Variants in SLC25A21 observed in about 807,000 individuals in gnomAD.
SLC25A21 encodes mitochondrial 2-oxodicarboxylate carrier.
Under a neutral mutation model 43.8 loss-of-function variants are expected in SLC25A21, and 47 were observed. The observed-to-expected ratio is 1.07, with a 90% CI of 0.85 to 1.37. The LOEUF (loss-of-function observed/expected upper bound fraction) is 1.37. SLC25A21 is among the 40% of genes most tolerant of loss of function. The pLI, the probability that SLC25A21 is intolerant of heterozygous loss-of-function variation, is 0.00. For missense variants in SLC25A21, 352 were observed against 350.2 expected (o/e 1.00, Z -0.04); for synonymous variants, 131 against 121.3 (o/e 1.08, Z -0.52).
intron 1 of SLC25A21, among the ~76,000 whole-genome samples, chr14:37,151,549 T>A (rs7140725): frequency 1.3e-5 from 2 of 152,118 alleles, no homozygotes; most frequent in Non-Finnish European, 2.9e-5. Context: ...GTATTTAACA[T>A]AACCAGAGAG....
chr14:36,686,575 AATAAT>A (rs1357159836), intron 7 of SLC25A21, among the ~76,000 whole-genome samples: 3 of 152,224 alleles, frequency 2.0e-5, no homozygotes, highest in Non-Finnish European at 2.9e-5. Context: ...AAATAAAAAC[AATAAT>A]ATAAGTAAAA....
chr14:36,921,754 A>C (rs1199430297), intron 1 of SLC25A21, among the ~76,000 whole-genome samples: 3 of 152,170 alleles, frequency 2.0e-5, no homozygotes, highest in African/African-American at 7.2e-5. Flanking sequence ...AGTTTACACA[A>C]GTATGCTCAT....
intron 1 of SLC25A21, among the ~76,000 whole-genome samples, chr14:36,918,886 A>G (rs1382627660): frequency 1.3e-5 from 2 of 152,138 alleles, no homozygotes; most frequent in Non-Finnish European, 2.9e-5. Flanking sequence ...TAAGACACAT[A>G]AATTTTTCTT....
chr14:37,021,052 T>C (rs1960975020), intron 1 of SLC25A21, among the ~76,000 whole-genome samples: 1 of 151,996 alleles, frequency 6.6e-6, no homozygotes, highest in African/African-American at 2.4e-5. Flanking sequence ...TGGCAATGTA[T>C]TTAGGACATT....
At chr14:37,044,258 AT>A (rs1961540609) in intron 1 of SLC25A21, among the ~76,000 whole-genome samples, 1 of 152,170 alleles carries the variant, frequency 6.6e-6, no homozygotes, top group Non-Finnish European at 1.5e-5. Context: ...ATATTTTTTA[AT>A]GCTCAATGTG....
At chr14:37,043,159 C>T (rs1423615527) in intron 1 of SLC25A21, among the ~76,000 whole-genome samples, 1 of 152,206 alleles carries the variant, frequency 6.6e-6, no homozygotes, top group Non-Finnish European at 1.5e-5. Flanking sequence ...AATACATCCA[C>T]ATCTCTCCCT....
chr14:37,018,450 T>C (rs1366805882), intron 1 of SLC25A21, among the ~76,000 whole-genome samples: 1 of 152,022 alleles, frequency 6.6e-6, no homozygotes, highest in Non-Finnish European at 1.5e-5. Flanking sequence ...TTGTATTCCA[T>C]ATACATACAC....
At chr14:37,106,411 T>C (rs1213965884) in intron 1 of SLC25A21, among the ~76,000 whole-genome samples, 1 of 152,054 alleles carries the variant, frequency 6.6e-6, no homozygotes, top group East Asian at 1.9e-4. Context: ...AGTGTCTGTC[T>C]TATGCGGTTG....
intron 3 of SLC25A21, among the ~76,000 whole-genome samples, chr14:36,784,387 C>A (rs1435968125): frequency 6.6e-6 from 1 of 152,040 alleles, no homozygotes; most frequent in Non-Finnish European, 1.5e-5. Flanking sequence ...TATTCTCTAG[C>A]TGGAGATATT....
chr14:36,963,019 A>T (rs1959531075), intron 1 of SLC25A21, among the ~76,000 whole-genome samples: 1 of 152,208 alleles, frequency 6.6e-6, no homozygotes, highest in African/African-American at 2.4e-5. Flanking sequence ...TTTTTGGCAG[A>T]AAAGTTATTG....
In SLC25A21 at chr14:37,103,963, T is replaced by C. The variant is rs117232397; in HGVS notation, c.70+68318A>G. Among the ~76,000 whole-genome samples, 212 of 152,312 alleles carry C rather than the reference T, an allele frequency of 1.4e-3. 4 individuals are homozygous for C. The East Asian group carries it at 0.038, about 27-fold the overall frequency. ...GAAGTGATCCTGACCCAAATCTGTA[T>C]AGAGCACATGCAGAAAGAAGGACCA... On this transcript the variant is annotated intron_variant, in intron 1 of 9. Coordinates refer to ENST00000331299, the MANE Select transcript of SLC25A21 (RefSeq NM_030631.4).
chr14:36,943,595 CCT>C (rs1892617371), intron 1 of SLC25A21, among the ~76,000 whole-genome samples: 1 of 152,120 alleles, frequency 6.6e-6, no homozygotes, highest in South Asian at 2.1e-4. Flanking sequence ...TGCTTCTGTC[CCT>C]CTGAGTCCCT....
chr14:36,996,754 A>G (rs1214898595), intron 1 of SLC25A21, among the ~76,000 whole-genome samples: 1 of 152,190 alleles, frequency 6.6e-6, no homozygotes, highest in Middle Eastern at 3.2e-3. Flanking sequence ...CCGAGGAGTC[A>G]GCACATTCTC....
At chr14:36,686,240 A>G (rs577986287) in intron 7 of SLC25A21, among the ~76,000 whole-genome samples, 1 of 152,326 alleles carries the variant, frequency 6.6e-6, no homozygotes, top group Admixed American at 6.5e-5. Flanking sequence ...TGGGCCATAC[A>G]GGTGCCGGGG....
chr14:37,102,002 T>G (rs1442013100), intron 1 of SLC25A21, among the ~76,000 whole-genome samples: 1 of 152,206 alleles, frequency 6.6e-6, no homozygotes, highest in Non-Finnish European at 1.5e-5. Flanking sequence ...TCATGCTGCA[T>G]CACATGAGTT....
chr14:36,836,764 A>ATT (rs1316922994), intron 2 of SLC25A21, among the ~76,000 whole-genome samples: 1 of 152,196 alleles, frequency 6.6e-6, no homozygotes, highest in African/African-American at 2.4e-5. Context: ...GTAGTTAAGA[A>ATT]AAGGGAAGAA....
intron 1 of SLC25A21, among the ~76,000 whole-genome samples, chr14:37,115,963 A>G (rs1963098648): frequency 6.6e-6 from 1 of 152,212 alleles, no homozygotes; most frequent in African/African-American, 2.4e-5. Context: ...TACAAATAAT[A>G]CATTAAATAA....
rs1044330806 is a variant in SLC25A21 at position 36,740,535 on chromosome 14, G to A, written c.204-5962C>T. ...AAATGAAGATCAAAAACTACATCAC[G>A]TGTTCTTCTCAAAGACAGCTCACAC... On this transcript the variant is annotated intron_variant, in intron 3 of 9. Transcript: ENST00000331299. Among the ~76,000 whole-genome samples, 7 of 152,236 alleles carry A rather than the reference G, an allele frequency of 4.6e-5. No homozygotes were observed. In the East Asian group the frequency reaches 5.8e-4, roughly 13 times the overall value.
At chr14:36,755,014 T>C (rs1453439005) in intron 3 of SLC25A21, among the ~76,000 whole-genome samples, 1 of 152,062 alleles carries the variant, frequency 6.6e-6, no homozygotes, top group Non-Finnish European at 1.5e-5. Flanking sequence ...CAGAAAATAG[T>C]AGAGGAAAAT....
Sources: gnomAD v4.1 joint callset for allele counts (sites outside exome capture counted in the v4.1 genomes callset) on GRCh38, gnomAD v4.1.1 for gene constraint, MANE v1.5 for transcripts, NCBI Gene and HGNC (gene_info 2026-07-23, HGNC 2026-07-21) for gene names.